The following DENND4B variants were observed in gnomAD, a reference collection of about 807,000 sequenced individuals.
DENND4B encodes DENN domain-containing protein 4B.
A neutral mutation model predicts 161.0 loss-of-function variants in DENND4B; 67 were observed. The observed-to-expected ratio is 0.42, with a 90% confidence interval of 0.34 to 0.51. The LOEUF is 0.51. DENND4B is among the 20% of genes least tolerant of loss of function. The pLI, the probability that DENND4B is intolerant of heterozygous loss-of-function variation, is 0.08. For synonymous variants in DENND4B, 753 were observed against 813.8 expected, an observed-to-expected ratio of 0.93 and a Z score of 1.27; for missense variants, 1,481 against 1,968.0, an observed-to-expected ratio of 0.75 and a Z score of 4.68.
rs761898567 is a variant in DENND4B at position 153,942,319 on chromosome 1, C to T, written c.678G>A (p.Ala226=). The part of the protein sequence containing the change: ...LGRYPEEDNE[A]FPLPESVPVF... Reference sequence around the variant, plus strand: ...CGGGCACTGACTCGGGCAGCGGGAACGCCTCATTGTCCTCCTCCGGGTAGC... The same window carrying T: ...CGGGCACTGACTCGGGCAGCGGGAATGCCTCATTGTCCTCCTCCGGGTAGC... Residue 226 remains alanine, a synonymous_variant, in exon 5 of 28, where the codon GCG becomes GCA. Transcript: ENST00000361217. The surrounding 1 kb of genome is among the most constrained non-coding windows in gnomAD (Gnocchi z 6.9). The T allele has an allele frequency of 8.1e-6, 13 of 1,613,410 alleles. No individual in the cohort carries two copies. The highest frequency in any genetic ancestry group is 1.6e-4 in the Middle Eastern group (1 of 6,076).
At chr1:153,941,774 A>AGGCGGGGG in intron 6 of DENND4B, 95 bp downstream of exon 6, 1 of 618,134 alleles carries the variant, frequency 1.6e-6, no homozygotes, top group Non-Finnish European at 2.8e-6. Context: ...CCCTGTGCCC[A>AGGCGGGGG]GCCCTCCCCC....
Position 153,930,651 on chromosome 1 carries a change from C to G in DENND4B, c.4280+41G>C. On this transcript the variant is annotated intron_variant, in intron 26 of 27. Coordinates refer to ENST00000361217, the MANE Select transcript of DENND4B (RefSeq NM_014856.3). This position sits in a 1 kb window ranked among gnomAD's most constrained non-coding sequence, Gnocchi z 4.7. Reference sequence around the variant, plus strand: ...TGAGTGAGAGAAAAGGGGTGTGGAGCCCCGGACAGACCAGGGATCACCCAG... The same window carrying G: ...TGAGTGAGAGAAAAGGGGTGTGGAGGCCCGGACAGACCAGGGATCACCCAG... 1 of 1,613,560 alleles carries G rather than the reference C, an allele frequency of 6.2e-7. No individual in the cohort carries two copies. Among genetic ancestry groups the G allele is most frequent in the Non-Finnish European group, 8.5e-7 (1 of 1,179,686 alleles).
chr1:153,945,809 C>T (rs1679929667), intron 1 of DENND4B, among the ~76,000 whole-genome samples: 1 of 152,248 alleles, frequency 6.6e-6, no homozygotes. Context: ...GACCTGCGCA[C>T]CGGGGCCTCC....
Position 153,946,690 on chromosome 1 carries a change from G to C in DENND4B, c.-413C>G, listed in dbSNP as rs1297626955. The C allele has an allele frequency of 2.7e-6, 1 of 376,528 alleles. No individual in the cohort carries two copies. Among genetic ancestry groups the C allele is most frequent in the South Asian group, 1.4e-4 (1 of 6,938 alleles). 23.3% of individuals were successfully genotyped at this position (376,528 alleles called of 1,614,324 possible). On this transcript the variant is annotated 5_prime_UTR_variant, in exon 1 of 28. Coordinates refer to ENST00000361217, the MANE Select transcript of DENND4B (RefSeq NM_014856.3). The surrounding 1 kb of genome is among the most constrained non-coding windows in gnomAD (Gnocchi z 6.3). ...CCGCTACCCCCACCCCTCCTCCTCG[G>C]CCGGCGGCCGTGACCCTGGCAAGCG...
rs765519783 is a variant in DENND4B at position 153,944,148 on chromosome 1, G to T, written c.227C>A (p.Pro76His). 6.2e-7 allele frequency: 1 copy of T among 1,613,072 alleles called. No homozygotes were observed. Among genetic ancestry groups the T allele is most frequent in the Non-Finnish European group, 8.5e-7 (1 of 1,179,510 alleles). The change falls in exon 2 of 28, where the codon CCC (proline) becomes CAC (histidine). Residue 76 changes from proline (P) to histidine (H), a missense_variant. Around this residue, in one of 3 missense-constraint regions of DENND4B, gnomAD observed 806 missense variants for 1,134.4 expected, o/e 0.71. Coordinates refer to ENST00000361217, the MANE Select transcript of DENND4B (RefSeq NM_014856.3). This position sits in a 1 kb window ranked among gnomAD's most constrained non-coding sequence, Gnocchi z 4.8. The part of the protein sequence containing the change: ...TCIQASAGGH[P>H]LELSAGLLGG... The stretch of plus-strand genomic sequence containing the variant: ...CAGAAGTCCAGCACTGAGTTCCAAG[G>T]GGTGGCCCCCAGCAGAAGCCTGGAT...
At position 153,930,944 on chromosome 1, in the gene DENND4B, C is replaced by T. The variant is rs750034641; in HGVS notation, c.4114+3G>A. The T allele has an allele frequency of 1.3e-6, 2 of 1,594,868 alleles. No homozygotes were observed. The highest frequency in any genetic ancestry group is 3.4e-5 in the Admixed American group (2 of 59,064). ...CCCCACCCAGGCCAAATACCAGACT[C>T]ACTGTGGACCCTCCAGAGCACATAG... On this transcript the variant is annotated splice_donor_region_variant and intron_variant, in intron 25 of 27. Transcript: ENST00000361217. The surrounding 1 kb of genome is among the most constrained non-coding windows in gnomAD (Gnocchi z 4.7).
chr1:153,937,036 C>G lies in DENND4B; in HGVS notation c.2233-288G>C, dbSNP rs1679384898. Among the ~76,000 whole-genome samples, 1 of 152,240 alleles carries G rather than the reference C, an allele frequency of 6.6e-6. No homozygotes were observed. Among genetic ancestry groups the G allele is most frequent in the Admixed American group, 6.5e-5 (1 of 15,284 alleles). ...TCACAAACTCCTGGGCGCAAGTGAT[C>G]TGCCTGCCTCAGCCTCCCAAAATGC... On this transcript the variant is annotated intron_variant, in intron 15 of 27. Transcript: ENST00000361217. This position sits in a 1 kb window ranked among gnomAD's most constrained non-coding sequence, Gnocchi z 4.7.
chr1:153,943,922 G>C, intron 2 of DENND4B, 136 bp downstream of exon 2: 1 of 962,994 alleles, frequency 1.0e-6, no homozygotes, highest in South Asian at 2.0e-5. Flanking sequence ...TACAACTTCA[G>C]TCCTTCCTTC....
At position 153,940,700 on chromosome 1, in the gene DENND4B, G is replaced by A; in HGVS notation, c.1327-94C>T. The stretch of plus-strand genomic sequence containing the variant: ...AAAGAGAGGGCATTGGCCTTGGGGA[G>A]TTGGTGCCTGTTGAGAGAGGCTGTT... On this transcript the variant is annotated intron_variant, in intron 9 of 27. Transcript: ENST00000361217. This position sits in a 1 kb window ranked among gnomAD's most constrained non-coding sequence, Gnocchi z 5.6. The A allele has an allele frequency of 6.7e-7, 1 of 1,501,902 alleles. No individual in the cohort carries two copies. Among genetic ancestry groups the A allele is most frequent in the African/African-American group, 1.4e-5 (1 of 72,284 alleles). 93.0% of individuals were successfully genotyped at this position (1,501,902 alleles called of 1,614,324 possible). A position where few individuals can be genotyped will look rare whatever the true frequency, so the allele number is the denominator to read the frequency against.
In DENND4B at chr1:153,936,854, A is replaced by C. The variant is rs1451378891; in HGVS notation, c.2233-106T>G. On this transcript the variant is annotated intron_variant, in intron 15 of 27. Coordinates refer to ENST00000361217, the MANE Select transcript of DENND4B (RefSeq NM_014856.3). The surrounding 1 kb of genome is among the most constrained non-coding windows in gnomAD (Gnocchi z 4.1). ...GGTCTCGCTCTGTCACCCAGGCTGG[A>C]GTGCAGTGGCGCAATCTTGGCTCAC... The C allele has an allele frequency of 1.7e-6, 2 of 1,182,736 alleles. No homozygotes were observed. The highest frequency in any genetic ancestry group is 3.3e-5 in the Admixed American group (1 of 30,240). The allele number at this position is 1,182,736 out of a possible 1,614,324, so 73.3% of individuals were successfully genotyped here.
At chr1:153,939,840 T>TC (rs759251188) in intron 11 of DENND4B, 36 bp from the exon 12 acceptor site, 3 of 1,595,932 alleles carry the variant, frequency 1.9e-6, no homozygotes, top group South Asian at 2.2e-5. Flanking sequence ...CAGGGCTGGC[T>TC]CCCATAGTGT....
At position 153,930,043 on chromosome 1, in the gene DENND4B, G is replaced by A. The variant is rs1333242670; in HGVS notation, c.*254C>T. On this transcript the variant is annotated 3_prime_UTR_variant, in exon 28 of 28. Transcript: ENST00000361217. This position sits in a 1 kb window ranked among gnomAD's most constrained non-coding sequence, Gnocchi z 4.7. ...GAGTTCCCGGTATAGGACAAGGGAA[G>A]AACAGAGCTGTACCAACTCCCCCCA... 1.1e-5 allele frequency: 6 copies of A among 544,538 alleles called. No homozygotes were observed. The highest frequency in any genetic ancestry group is 1.6e-5 in the Non-Finnish European group (5 of 306,482). The allele number at this position is 544,538 out of a possible 1,614,324, so 33.7% of individuals were successfully genotyped here. A position where few individuals can be genotyped will look rare whatever the true frequency, so the allele number is the denominator to read the frequency against.
intron 13 of DENND4B, among the ~76,000 whole-genome samples, chr1:153,938,375 C>T (rs1363725682): frequency 6.6e-6 from 1 of 150,534 alleles, no homozygotes; most frequent in Non-Finnish European, 1.5e-5. Context: ...CGCCACTGCA[C>T]TCCAGCCTGG....
At chr1:153,935,262 TCTC>T (rs937146152) in intron 17 of DENND4B, 19 of 414,170 alleles carry the variant, frequency 4.6e-5, no homozygotes, top group Non-Finnish European at 7.7e-5. Flanking sequence ...TGGTCATTAG[TCTC>T]CTCATCTAAA....
Position 153,934,822 on chromosome 1 carries a change from TGCTGCTGTTGCTGCTGC to T in DENND4B, c.2694_2710del (p.Gln899AlafsTer59). Reference sequence around the variant, plus strand: ...CTGCTCCTGCTGCTGCTGCTGCTGCTGCTGCTGTTGCTGCTGCTGCTGCTGTTGCCGTTCTCTCAAGG... The same window carrying T: ...CTGCTCCTGCTGCTGCTGCTGCTGCTTGCTGCTGTTGCCGTTCTCTCAAGG... On this transcript the variant is annotated frameshift_variant, in exon 18 of 28. Coordinates refer to ENST00000361217, the MANE Select transcript of DENND4B (RefSeq NM_014856.3). LOFTEE classifies it high-confidence loss of function. The surrounding 1 kb of genome is among the most constrained non-coding windows in gnomAD (Gnocchi z 5.3). 1.3e-6 allele frequency: 2 copies of T among 1,563,636 alleles called. No homozygotes were observed. The highest frequency in any genetic ancestry group is 2.4e-5 in the South Asian group (2 of 84,824).
Position 153,936,615 on chromosome 1 carries a change from C to T in DENND4B, c.2366G>A (p.Arg789Gln), listed in dbSNP as rs770507810. 8.1e-6 allele frequency: 13 copies of T among 1,612,746 alleles called. No individual in the cohort carries two copies. The highest frequency in any genetic ancestry group is 4.4e-5 in the South Asian group (4 of 90,894). Residue 789 changes from arginine to glutamine, a missense_variant, in exon 16 of 28, where the codon CGA becomes CAA. Transcript: ENST00000361217. This position sits in a 1 kb window ranked among gnomAD's most constrained non-coding sequence, Gnocchi z 4.1. ...LPAYVRSAPS[R>Q]VQALHTAYHV... is the part of the protein sequence containing the mutation. ...GTAGGCTGTGTGCAGTGCCTGCACT[C>T]GGGAGGGTGCCGACCGCACATAGGC...
Position 153,934,696 on chromosome 1 carries a change from A to G in DENND4B, c.2773+64T>C. On this transcript the variant is annotated intron_variant, in intron 18 of 27. Coordinates refer to ENST00000361217, the MANE Select transcript of DENND4B (RefSeq NM_014856.3). The surrounding 1 kb of genome is among the most constrained non-coding windows in gnomAD (Gnocchi z 5.3). ...ACCATTAGACCAGCCCCAACTCTCT[A>G]TGCCTTTCCCTGCCTGAGCCCAGCT... The G allele has an allele frequency of 6.4e-7, 1 of 1,550,908 alleles. No homozygotes were observed.
At position 153,944,170 on chromosome 1, in the gene DENND4B, G is replaced by C; in HGVS notation, c.205C>G (p.Gln69Glu). 2 of 1,613,120 alleles carry C rather than the reference G, an allele frequency of 1.2e-6. No individual in the cohort carries two copies. Among genetic ancestry groups the C allele is most frequent in the Non-Finnish European group, 1.7e-6 (2 of 1,179,568 alleles). The part of the protein sequence containing the change: ...EEVPQGYTCI[Q>E]ASAGGHPLEL... ...AAGGGGTGGCCCCCAGCAGAAGCCT[G>C]GATGCATGTGTAGCCCTGGGGCACT... Residue 69 changes from glutamine to glutamate, a missense_variant, in exon 2 of 28, where the codon CAG becomes GAG. Gln to Glu is a conservative substitution (Grantham distance 29, BLOSUM62 2). This residue lies in a region of DENND4B where 806 missense variants were observed against 1,134.4 expected (regional missense o/e 0.71). Coordinates refer to ENST00000361217, the MANE Select transcript of DENND4B (RefSeq NM_014856.3). This position sits in a 1 kb window ranked among gnomAD's most constrained non-coding sequence, Gnocchi z 4.8.
chr1:153,933,131 C>G lies in DENND4B; in HGVS notation c.3453+66G>C. 2.5e-6 allele frequency: 4 copies of G among 1,611,424 alleles called. No homozygotes were observed. The highest frequency in any genetic ancestry group is 3.4e-6 in the Non-Finnish European group (4 of 1,178,472). The stretch of plus-strand genomic sequence containing the variant: ...CCTCCCACCTCCTCCCCATCTCCTG[C>G]CTTGGACAGGGTGAGTGTGTGCTAT... On this transcript the variant is annotated intron_variant, in intron 21 of 27. Transcript: ENST00000361217. This position sits in a 1 kb window ranked among gnomAD's most constrained non-coding sequence, Gnocchi z 5.7.
Sources: allele counts gnomAD v4.1 joint callset (sites outside exome capture counted in the v4.1 genomes callset), GRCh38; gene constraint gnomAD v4.1.1; regional missense constraint gnomAD v4.1.1; non-coding constraint Gnocchi (gnomAD v3.1); transcripts MANE v1.5; gene names NCBI Gene and HGNC (gene_info 2026-07-23, HGNC 2026-07-21).